Variants in PRKG1 observed in about 807,000 individuals in gnomAD.
The protein encoded by PRKG1 is cGMP-dependent protein kinase 1.
A neutral mutation model predicts 88.1 loss-of-function variants in PRKG1; 35 were observed. The ratio of observed to expected loss-of-function variants is 0.40; its 90% CI spans 0.30 to 0.53. The LOEUF is 0.53. Ranked by LOEUF, PRKG1 falls within the 20% of genes least tolerant of loss-of-function variation. The probability of loss-of-function intolerance (pLI) is 0.59; values close to 1 mark genes in which losing one functional copy is unlikely to be tolerated. For synonymous variants in PRKG1, 303 were observed against 292.5 expected, an observed-to-expected ratio of 1.04 and a Z score of -0.37; for missense variants, 540 against 839.8, an observed-to-expected ratio of 0.64 and a Z score of 4.41.
intron 4 of PRKG1, among the ~76,000 whole-genome samples, chr10:51,898,525 T>C (rs948299051): frequency 1.3e-5 from 2 of 152,000 alleles, no homozygotes; most frequent in African/African-American, 4.8e-5. Context: ...TAAACAACAA[T>C]TTTTTTCCAA....
intron 5 of PRKG1, among the ~76,000 whole-genome samples, chr10:52,052,832 A>G (rs752911236): frequency 7.2e-5 from 11 of 152,148 alleles, no homozygotes; most frequent in Non-Finnish European, 1.5e-4. Context: ...ATGAGATTTG[A>G]GGTGAGAGGA....
chr10:51,554,147 ATGTGTATATATTATATGTG>A (rs1837237217), intron 3 of PRKG1, among the ~76,000 whole-genome samples: 1 of 146,382 alleles, frequency 6.8e-6, no homozygotes. Flanking sequence ...CGTATGTGAT[ATGTGTATATATTATATGTG>A]CGTATGTGAT....
At chr10:51,944,108 A>G (rs1842971247) in intron 5 of PRKG1, among the ~76,000 whole-genome samples, 1 of 152,016 alleles carries the variant, frequency 6.6e-6, no homozygotes, top group Admixed American at 6.5e-5. Context: ...TTAGTAAGCT[A>G]TTGATTATTG....
intron 3 of PRKG1, among the ~76,000 whole-genome samples, chr10:51,783,704 C>A (rs1838655095): frequency 6.6e-6 from 1 of 152,082 alleles, no homozygotes; most frequent in Non-Finnish European, 1.5e-5. Context: ...GCCCAGTAAT[C>A]TGTGTTGTAA....
Position 52,161,872 on chromosome 10 carries a change from C to A in PRKG1, c.1002-17C>A, listed in dbSNP as rs1212851005. 1 of 1,610,382 alleles carries A rather than the reference C, an allele frequency of 6.2e-7. No homozygotes were observed. The highest frequency in any genetic ancestry group is 1.3e-5 in the African/African-American group (1 of 74,802). ...ATTTTGTAGAAGATTAATCACTGTG[C>A]TTTTTTCGTCTGACAGCTCTTTTAA... is the stretch of plus-strand genomic sequence containing the variant. On this transcript the variant is annotated splice_polypyrimidine_tract_variant and intron_variant, in intron 8 of 17. Transcript: ENST00000373980.
chr10:51,102,554 T>C (rs540048715), intron 1 of PRKG1, among the ~76,000 whole-genome samples: 1 of 152,320 alleles, frequency 6.6e-6, no homozygotes, highest in East Asian at 1.9e-4. Context: ...ATTCGGCTCC[T>C]GTTACACTGG....
chr10:51,663,715 A>C (rs888267725), intron 3 of PRKG1, among the ~76,000 whole-genome samples: 18 of 151,304 alleles, frequency 1.2e-4, no homozygotes, highest in African/African-American at 1.7e-4. Context: ...AAAAAAAAAA[A>C]AAAAAAAAAC....
chr10:51,444,399 T>C (rs1839211244), intron 2 of PRKG1, among the ~76,000 whole-genome samples: 1 of 151,798 alleles, frequency 6.6e-6, no homozygotes, highest in African/African-American at 2.4e-5. Context: ...AACTGAAATA[T>C]GTGTTGCCTC....
chr10:52,134,212 T>C (rs1837343089), intron 8 of PRKG1, among the ~76,000 whole-genome samples: 1 of 152,168 alleles, frequency 6.6e-6, no homozygotes, highest in Non-Finnish European at 1.5e-5. Flanking sequence ...AAAGCATTTG[T>C]CCAAGTGTCT....
chr10:51,946,835 G>A (rs1353813058), intron 5 of PRKG1, among the ~76,000 whole-genome samples: 3 of 152,010 alleles, frequency 2.0e-5, no homozygotes, highest in South Asian at 4.1e-4. Context: ...TGTCTCAGAG[G>A]AGTACCCAGC....
At chr10:51,814,675 T>C (rs555553056) in intron 4 of PRKG1, among the ~76,000 whole-genome samples, 1 of 152,250 alleles carries the variant, frequency 6.6e-6, no homozygotes, top group South Asian at 2.1e-4. Flanking sequence ...TTCATTCTCA[T>C]TAAAGATGAC....
At chr10:51,426,018 G>A (rs1838571174) in intron 2 of PRKG1, among the ~76,000 whole-genome samples, 1 of 152,206 alleles carries the variant, frequency 6.6e-6, no homozygotes, top group African/African-American at 2.4e-5. Context: ...GCTCATGCCT[G>A]TAATCCCAGC....
intron 3 of PRKG1, among the ~76,000 whole-genome samples, chr10:51,724,558 A>T (rs1842086602): frequency 6.6e-6 from 1 of 152,322 alleles, no homozygotes; most frequent in African/African-American, 2.4e-5. Context: ...AATGATGATT[A>T]TTATTCTTTA....
chr10:52,088,134 A>G (rs1298546705), intron 7 of PRKG1, among the ~76,000 whole-genome samples: 1 of 152,108 alleles, frequency 6.6e-6, no homozygotes, highest in Admixed American at 6.6e-5. Context: ...TAACCTTTAT[A>G]TATGCATATT....
chr10:51,709,877 T>A (rs74132570), intron 3 of PRKG1, among the ~76,000 whole-genome samples: 2,441 of 152,120 alleles, frequency 0.016, 67 homozygotes, highest in African/African-American at 0.056. Context: ...AGTGTTTGCA[T>A]CCCCACCAGG....
intron 3 of PRKG1, among the ~76,000 whole-genome samples, chr10:51,737,774 A>T (rs911893066): frequency 7.1e-6 from 1 of 141,146 alleles, no homozygotes; most frequent in Non-Finnish European, 1.5e-5. Context: ...TATTATTATT[A>T]TTTTCTGAGA....
chr10:51,065,670 A>G (rs1192608288), intron 1 of PRKG1, among the ~76,000 whole-genome samples: 3 of 152,096 alleles, frequency 2.0e-5, no homozygotes, highest in Non-Finnish European at 4.4e-5. Context: ...TGTGTTTTGC[A>G]TTTTAAATAA....
chr10:52,263,749 AT>A (rs35346472), intron 10 of PRKG1, among the ~76,000 whole-genome samples: 1 of 151,596 alleles, frequency 6.6e-6, no homozygotes, highest in South Asian at 2.1e-4. Flanking sequence ...TAATTTTTGT[AT>A]TTTTTGTAGA....
At chr10:52,217,439 T>C (rs1840140977) in intron 9 of PRKG1, among the ~76,000 whole-genome samples, 1 of 152,062 alleles carries the variant, frequency 6.6e-6, no homozygotes, top group Admixed American at 6.6e-5. Context: ...GTCAAATGAA[T>C]CTCATAGTCT....
Sources: gnomAD v4.1 joint callset for allele counts (sites outside exome capture counted in the v4.1 genomes callset) on GRCh38, gnomAD v4.1.1 for gene constraint, MANE v1.5 for transcripts, NCBI Gene and HGNC (gene_info 2026-07-23, HGNC 2026-07-21) for gene names.